Variants in LUZP2 observed in about 807,000 individuals in gnomAD.
LUZP2 encodes the protein leucine zipper protein 2.
A neutral mutation model predicts 51.6 loss-of-function variants in LUZP2; 52 were observed. The ratio of observed to expected loss-of-function variants is 1.01; its 90% CI spans 0.81 to 1.27. The LOEUF is 1.27. Ranked by LOEUF, LUZP2 falls within the 50% of genes most tolerant of loss-of-function variation. The pLI, the probability that LUZP2 is intolerant of heterozygous loss-of-function variation, is 0.00. For synonymous variants in LUZP2, 154 were observed against 137.3 expected (o/e 1.12, Z -0.85); for missense variants, 436 against 395.4 (o/e 1.10, Z -0.87).
intron 5 of LUZP2, among the ~76,000 whole-genome samples, chr11:24,817,707 G>A: frequency 6.7e-6 from 1 of 148,686 alleles, no homozygotes; most frequent in East Asian, 1.9e-4. Context: ...TGTGGTTCAA[G>A]ATGCAGATTT....
intron 9 of LUZP2, among the ~76,000 whole-genome samples, chr11:25,026,882 C>A (rs951727755): frequency 1.3e-4 from 15 of 119,692 alleles, no homozygotes; most frequent in Middle Eastern, 4.4e-3. Flanking sequence ...TATTTTTTTT[C>A]TTTCTTTATT....
intron 1 of LUZP2, among the ~76,000 whole-genome samples, chr11:24,693,176 C>T (rs943538116): frequency 3.3e-5 from 5 of 151,604 alleles, no homozygotes; most frequent in African/African-American, 1.2e-4. Context: ...CTTCTGTATT[C>T]CTGCATTTTT....
At chr11:24,737,897 A>C (rs1458540513) in intron 3 of LUZP2, among the ~76,000 whole-genome samples, 1 of 152,104 alleles carries the variant, frequency 6.6e-6, no homozygotes, top group African/African-American at 2.4e-5. Flanking sequence ...TGTTAGTGAA[A>C]TTATCTTTTC....
chr11:24,637,626 T>A (rs1855149811), intron 1 of LUZP2, among the ~76,000 whole-genome samples: 1 of 151,730 alleles, frequency 6.6e-6, no homozygotes, highest in Non-Finnish European at 1.5e-5. Flanking sequence ...GAACGGCCGC[T>A]CTAGGGGTGT....
rs1176071769 is a variant in LUZP2 at position 24,602,374 on chromosome 11, GTA to G, written c.62+105082_62+105083del. On this transcript the variant is annotated intron_variant, in intron 1 of 11. Coordinates refer to ENST00000336930, the MANE Select transcript of LUZP2 (RefSeq NM_001009909.4). ...TAAATCTCTTTTAAAGTGTGTGTGT[GTA>G]TATATATATATACACACACACACAC... 8.9e-4 allele frequency among the ~76,000 whole-genome samples: 60 copies of G among 67,078 alleles called. 1 individual carries two copies. The highest frequency in any genetic ancestry group is 4.8e-3 in the South Asian group (9 of 1,864). 44.0% of individuals were successfully genotyped at this position (67,078 alleles called of 152,430 possible).
At chr11:24,574,287 TC>T (rs1257622568) in intron 1 of LUZP2, among the ~76,000 whole-genome samples, 1 of 75,014 alleles carries the variant, frequency 1.3e-5, no homozygotes, top group African/African-American at 5.0e-5. Flanking sequence ...TTTCTTTCTT[TC>T]CTTTCTTTCT....
At chr11:24,601,986 ATG>A (rs1294585847) in intron 1 of LUZP2, among the ~76,000 whole-genome samples, 2 of 66,744 alleles carry the variant, frequency 3.0e-5, no homozygotes, top group African/African-American at 1.5e-4. Context: ...ATGTATATAT[ATG>A]TGTATATATG....
chr11:25,026,873 AT>A (rs374902498), intron 9 of LUZP2, among the ~76,000 whole-genome samples: 15,226 of 137,272 alleles, frequency 0.11, 1,865 homozygotes, highest in African/African-American at 0.3. Context: ...TTTAATTATT[AT>A]TTTTTTTCTT....
intron 1 of LUZP2, among the ~76,000 whole-genome samples, chr11:24,552,655 A>G (rs1002248272): frequency 6.6e-6 from 1 of 151,996 alleles, no homozygotes; most frequent in Non-Finnish European, 1.5e-5. Context: ...ATTCTCTATA[A>G]CAGCGAACAT....
chr11:25,015,935 T>G (rs1319114829), intron 9 of LUZP2, among the ~76,000 whole-genome samples: 11 of 151,498 alleles, frequency 7.3e-5, no homozygotes, highest in Non-Finnish European at 1.5e-5. Context: ...TTTATTTTTT[T>G]TTTGAGATGG....
At chr11:24,616,077 T>C (rs1854276333) in intron 1 of LUZP2, among the ~76,000 whole-genome samples, 1 of 151,840 alleles carries the variant, frequency 6.6e-6, no homozygotes, top group East Asian at 1.9e-4. Context: ...ACAAGTCCTT[T>C]GTGGCATATG....
intron 7 of LUZP2, among the ~76,000 whole-genome samples, chr11:24,921,257 G>A (rs1854044681): frequency 1.3e-5 from 2 of 152,142 alleles, no homozygotes; most frequent in African/African-American, 4.8e-5. Flanking sequence ...GCAGAAAAGT[G>A]GTTGCTTATA....
At chr11:24,779,325 CA>C (rs1849024680) in intron 5 of LUZP2, among the ~76,000 whole-genome samples, 1 of 151,978 alleles carries the variant, frequency 6.6e-6, no homozygotes, top group Non-Finnish European at 1.5e-5. Context: ...GCTTAGAAGA[CA>C]AAAAATAAAT....
At chr11:24,930,726 T>C (rs1374929504) in intron 7 of LUZP2, among the ~76,000 whole-genome samples, 1 of 152,156 alleles carries the variant, frequency 6.6e-6, no homozygotes, top group Admixed American at 6.5e-5. Context: ...TTGCAATGAG[T>C]TTCCCAGGTG....
At chr11:24,756,176 T>C (rs989287597) in intron 4 of LUZP2, among the ~76,000 whole-genome samples, 2 of 152,168 alleles carry the variant, frequency 1.3e-5, no homozygotes, top group East Asian at 3.9e-4. Context: ...CTCCCACCTT[T>C]GAGATATCTT....
At chr11:24,590,369 G>C (rs1483266161) in intron 1 of LUZP2, among the ~76,000 whole-genome samples, 5 of 152,030 alleles carry the variant, frequency 3.3e-5, no homozygotes, top group Non-Finnish European at 1.5e-5. Flanking sequence ...AATCTAATCA[G>C]GGTAGTTAGT....
intron 7 of LUZP2, among the ~76,000 whole-genome samples, chr11:24,919,538 T>C (rs949164402): frequency 1.4e-5 from 2 of 142,958 alleles, no homozygotes; most frequent in African/African-American, 5.0e-5. Context: ...ATATATACTG[T>C]ATATGTATTC....
chr11:24,859,555 AC>A (rs1851670804), intron 5 of LUZP2, among the ~76,000 whole-genome samples: 1 of 146,378 alleles, frequency 6.8e-6, no homozygotes, highest in African/African-American at 2.6e-5. Flanking sequence ...GAGGGGTGGG[AC>A]CAAAATGGCA....
At chr11:24,814,991 CAA>C (rs61229028) in intron 5 of LUZP2, among the ~76,000 whole-genome samples, 1,172 of 80,084 alleles carry the variant, frequency 0.015, 11 homozygotes, top group African/African-American at 0.038. Flanking sequence ...GACTCCGTCT[CAA>C]AAAAAAAAAA....
Sources: gnomAD v4.1 joint callset for allele counts (sites outside exome capture counted in the v4.1 genomes callset) on GRCh38, gnomAD v4.1.1 for gene constraint, MANE v1.5 for transcripts, NCBI Gene and HGNC (gene_info 2026-07-23, HGNC 2026-07-21) for gene names.